DENND2B: variants seen among roughly 807,000 people sequenced by gnomAD.
DENND2B encodes DENN domain-containing protein 2B.
In DENND2B, 32 loss-of-function variants were observed where a neutral mutation model predicts 116.0. That is an observed-to-expected ratio of 0.28 (90% CI 0.21 to 0.37). The LOEUF is 0.37. DENND2B is among the 10% of genes least tolerant of loss of function. DENND2B has a pLI of 1.00. For missense variants in DENND2B, 1,276 were observed against 1,477.7 expected (o/e 0.86, Z 2.24); for synonymous variants, 588 against 583.9 (o/e 1.01, Z -0.10).
At chr11:8,791,093 C>T (rs2059339821) in intron 1 of DENND2B, among the ~76,000 whole-genome samples, 1 of 152,238 alleles carries the variant, frequency 6.6e-6, no homozygotes, top group African/African-American at 2.4e-5. Context: ...AGCTGCTCTT[C>T]TCCAAAAGCC....
chr11:8,896,361 G>T (rs888659371), intron 1 of DENND2B, among the ~76,000 whole-genome samples: 11 of 152,090 alleles, frequency 7.2e-5, no homozygotes, highest in East Asian at 3.8e-4. Flanking sequence ...TCACAAAAAA[G>T]GTTAGGAGGA....
intron 3 of DENND2B, 127 bp downstream of exon 3, chr11:8,729,822 AT>A: frequency 7.9e-7 from 1 of 1,267,830 alleles, no homozygotes. Flanking sequence ...CCACCTAACA[AT>A]TATTCAGCAC....
chr11:8,902,694 G>A (rs1319189212), intron 1 of DENND2B, among the ~76,000 whole-genome samples: 1 of 152,162 alleles, frequency 6.6e-6, no homozygotes, highest in East Asian at 1.9e-4. Flanking sequence ...GGTATCTGCA[G>A]GATTCTGTTT....
chr11:8,751,455 C>T (rs2052470568), intron 1 of DENND2B, among the ~76,000 whole-genome samples: 1 of 152,190 alleles, frequency 6.6e-6, no homozygotes, highest in Admixed American at 6.5e-5. Flanking sequence ...TGTCCTTTCG[C>T]CCTGCAATAA....
At chr11:8,838,633 G>A (rs1566037224) in intron 4 of DENND2B, among the ~76,000 whole-genome samples, 1 of 152,222 alleles carries the variant, frequency 6.6e-6, no homozygotes, top group Non-Finnish European at 1.5e-5. Context: ...CCACTGCAAA[G>A]GCCAGCAGAT....
In DENND2B at chr11:8,699,298, A is replaced by G. The variant is rs144302624; in HGVS notation, c.2813T>C (p.Ile938Thr). The G allele has an allele frequency of 1.1e-5, 17 of 1,605,234 alleles. No homozygotes were observed. In the African/African-American group the frequency reaches 2.2e-4, roughly 20 times the overall value. ...GGGGGTGGGACAGCAGACGATGTCAATCATGGAGGCCGGGAGGACAGGAAT... is the reference window on the plus strand; with the variant it reads ...GGGGGTGGGACAGCAGACGATGTCAGTCATGGAGGCCGGGAGGACAGGAAT... ...TFIPVLPASMIDIVCCPTPFL... is the reference protein window; with the variant it reads ...TFIPVLPASMTDIVCCPTPFL... Residue 938 changes from isoleucine (I) to threonine (T), a missense_variant, in exon 15 of 20, where the codon ATT (isoleucine) becomes ACT (threonine). Physicochemically the swap from Ile to Thr is moderately conservative, Grantham distance 89 (BLOSUM62 -1). Transcript: ENST00000313726.
chr11:8,792,119 T>A (rs2059436432), intron 1 of DENND2B, among the ~76,000 whole-genome samples: 1 of 152,060 alleles, frequency 6.6e-6, no homozygotes, highest in African/African-American at 2.4e-5. Context: ...GCAGGAGAAT[T>A]GCTTGAATCC....
At chr11:8,695,599 GA>G in intron 18 of DENND2B, 50 bp from the exon 19 acceptor site, 1 of 1,537,372 alleles carries the variant, frequency 6.5e-7, no homozygotes. Context: ...TGGAGGAAGG[GA>G]AGGAGAGGCC....
At chr11:8,828,678 A>G (rs7113023) in intron 4 of DENND2B, among the ~76,000 whole-genome samples, 140,997 of 152,166 alleles carry the variant, frequency 0.93, 66,260 homozygotes, top group East Asian at 1. Flanking sequence ...AGGTGAGCAA[A>G]GCTCCAGAAG....
intron 2 of DENND2B, among the ~76,000 whole-genome samples, chr11:8,858,474 G>T (rs527340755): frequency 6.6e-6 from 1 of 152,200 alleles, no homozygotes; most frequent in South Asian, 2.1e-4. Flanking sequence ...CAAATGAACT[G>T]GGTGACAAAC....
At chr11:8,875,399 A>G (rs118138849), upstream of DENND2B, among the ~76,000 whole-genome samples, 12,005 of 151,518 alleles carry the variant, frequency 0.079, 682 homozygotes, top group East Asian at 0.23. Flanking sequence ...TTTGCATGCA[A>G]AAATTTTTGA....
intron 2 of DENND2B, among the ~76,000 whole-genome samples, chr11:8,741,782 T>C (rs1366341263): frequency 6.6e-6 from 1 of 152,140 alleles, no homozygotes; most frequent in Non-Finnish European, 1.5e-5. Flanking sequence ...TGGCTGCCAG[T>C]CCCAGGTAAA....
intron 1 of DENND2B, chr11:8,757,020 C>A (rs1389471153): frequency 8.8e-6 from 4 of 456,078 alleles, no homozygotes; most frequent in African/African-American, 8.0e-5. Context: ...GAGTAACAAT[C>A]CAGAGAAAGG....
At chr11:8,725,396 C>CG (rs1254675076) in intron 4 of DENND2B, among the ~76,000 whole-genome samples, 1 of 146,318 alleles carries the variant, frequency 6.8e-6, no homozygotes, top group Non-Finnish European at 1.5e-5. Context: ...TTTTTTGAGA[C>CG]GGAGTTTCAC....
Position 8,694,147 on chromosome 11 carries a change from A to G in DENND2B, c.3380-17T>C. On this transcript the variant is annotated splice_polypyrimidine_tract_variant and intron_variant, in intron 19 of 19. Coordinates refer to ENST00000313726, the MANE Select transcript of DENND2B (RefSeq NM_213618.2). The stretch of plus-strand genomic sequence containing the variant: ...TTTTGTTGCCTGTGGGCCAGAGAGG[A>G]CAAGAGAGAATGTTCAGTGTTATCC... 6.2e-7 allele frequency: 1 copy of G among 1,614,140 alleles called. No homozygotes were observed. The highest frequency in any genetic ancestry group is 8.5e-7 in the Non-Finnish European group (1 of 1,180,006).
chr11:8,770,283 T>G (rs2056630212), intron 1 of DENND2B, among the ~76,000 whole-genome samples: 1 of 152,230 alleles, frequency 6.6e-6, no homozygotes, highest in African/African-American at 2.4e-5. Flanking sequence ...AAAAGGTATC[T>G]TCTCCATTTC....
chr11:8,708,124 C>T (rs952224484), intron 11 of DENND2B: 16 of 1,377,876 alleles, frequency 1.2e-5, no homozygotes, highest in African/African-American at 2.9e-5. Flanking sequence ...CCCAGGAGGA[C>T]GCTGACGGGG....
chr11:8,862,741 C>T (rs61876216), intron 2 of DENND2B, among the ~76,000 whole-genome samples: 1,837 of 152,194 alleles, frequency 0.012, 15 homozygotes, highest in Middle Eastern at 0.044. Flanking sequence ...GGTGATAAGC[C>T]GCAGAAAATA....
intron 2 of DENND2B, among the ~76,000 whole-genome samples, chr11:8,869,255 G>C (rs1014754607): frequency 5.3e-5 from 8 of 152,188 alleles, no homozygotes; most frequent in African/African-American, 1.9e-4. Context: ...AGTTGCCTTG[G>C]AGTTGTCTAC....
Sources: allele counts gnomAD v4.1 joint callset (sites outside exome capture counted in the v4.1 genomes callset), GRCh38; gene constraint gnomAD v4.1.1; transcripts MANE v1.5; gene names NCBI Gene and HGNC (gene_info 2026-07-23, HGNC 2026-07-21).